Variants in ZSCAN18 observed in about 807,000 individuals in gnomAD.
The protein encoded by ZSCAN18 is zinc finger and SCAN domain containing 18, also known as zinc finger and SCAN domain-containing protein 18.
In ZSCAN18, 16 loss-of-function variants were observed where a neutral mutation model predicts 31.1. The ratio of observed to expected loss-of-function variants is 0.51; its 90% CI spans 0.35 to 0.78. ZSCAN18 has a LOEUF of 0.78. ZSCAN18 is among the 30% of genes least tolerant of loss of function. The pLI, the probability that ZSCAN18 is intolerant of heterozygous loss-of-function variation, is 0.01. For synonymous variants in ZSCAN18, 375 were observed against 320.7 expected (o/e 1.17, Z -1.81); for missense variants, 731 against 697.4 (o/e 1.05, Z -0.54).
intron 1 of ZSCAN18, among the ~76,000 whole-genome samples, chr19:58,106,889 T>C (rs1408524216): frequency 6.6e-6 from 1 of 151,772 alleles, no homozygotes; most frequent in Non-Finnish European, 1.5e-5. Context: ...GTCTCCTGAG[T>C]AGCTGGGATT....
chr19:58,085,190 G>T lies in ZSCAN18; in HGVS notation c.1028C>A (p.Ser343Tyr). 1 of 1,610,162 alleles carries T rather than the reference G, an allele frequency of 6.2e-7. No individual in the cohort carries two copies. The change falls in exon 7 of 7, where the codon TCC (serine) becomes TAC (tyrosine). Residue 343 changes from serine to tyrosine, a missense_variant. Physicochemically the swap from Ser to Tyr is moderately radical, Grantham distance 144. This residue lies in a region of ZSCAN18 where 597 missense variants were observed against 499.5 expected (regional missense o/e 1.20). Transcript: ENST00000601144. ...CCTCTGCGATCCGGTGGCAGAGTCG[G>T]ACTCCGCGTCCTGGGGGTCCTGCGG... ...PDPQDPQDAE[S>Y]DSATGSQRQS...
chr19:58,084,557 G>A lies in ZSCAN18; in HGVS notation c.*128C>T. 3.1e-6 allele frequency: 3 copies of A among 955,644 alleles called. No individual in the cohort carries two copies. The highest frequency in any genetic ancestry group is 2.1e-5 in the South Asian group (1 of 47,780). 59.2% of individuals were successfully genotyped at this position (955,644 alleles called of 1,614,324 possible). A position where few individuals can be genotyped will look rare whatever the true frequency, so the allele number is the denominator to read the frequency against. ...GCGCTTAGCCTCAGGAGCGGATTCA[G>A]GGCACAGGCAGAGGACGTCCACAAA... On this transcript the variant is annotated 3_prime_UTR_variant, in exon 7 of 7. Coordinates refer to ENST00000601144, the MANE Select transcript of ZSCAN18 (RefSeq NM_001145543.2). The surrounding 1 kb of genome is among the most constrained non-coding windows in gnomAD (Gnocchi z 4.5).
chr19:58,101,299 A>ATTTTTTTTTTTTTTT (rs71188078), upstream of ZSCAN18, among the ~76,000 whole-genome samples: 5 of 108,388 alleles, frequency 4.6e-5, no homozygotes, highest in Non-Finnish European at 7.1e-5. Flanking sequence ...TGCCCAGCTA[A>ATTTTTTTTTTTTTTT]TTTTTTTTTT....
At chr19:58,092,991 G>T (rs867890749) in intron 1 of ZSCAN18, among the ~76,000 whole-genome samples, 1 of 151,968 alleles carries the variant, frequency 6.6e-6, no homozygotes, top group Non-Finnish European at 1.5e-5. Flanking sequence ...TGCCCAGGCT[G>T]GTCTGTAACT....
intron 5 of ZSCAN18, chr19:58,086,475 A>G (rs1252471921): frequency 7.6e-6 from 4 of 528,212 alleles, no homozygotes; most frequent in African/African-American, 3.8e-5. Flanking sequence ...AGGCGGAGGC[A>G]GGACTCAGAG....
chr19:58,089,948 G>C lies in ZSCAN18; in HGVS notation c.320C>G (p.Pro107Arg). Residue 107 changes from proline to arginine, a missense_variant, in exon 2 of 7, where the codon CCC becomes CGC. Physicochemically the swap from Pro to Arg is moderately radical, Grantham distance 103. Around this residue, in one of 4 missense-constraint regions of ZSCAN18, gnomAD observed 46 missense variants for 60.6 expected, o/e 0.76. Transcript: ENST00000601144. ...FLGILPDKVRPWVVAQYPESC... is the reference protein window; with the variant it reads ...FLGILPDKVRRWVVAQYPESC... ...CTCAGGGTACTGTGCCACCACCCAG[G>C]GCCGGACCTTATCAGGCAGGATGCC... 2 of 1,614,152 alleles carry C rather than the reference G, an allele frequency of 1.2e-6. No individual in the cohort carries two copies. Among genetic ancestry groups the C allele is most frequent in the Non-Finnish European group, 1.7e-6 (2 of 1,180,038 alleles).
rs2074236343 is a variant in ZSCAN18 at position 58,085,006 on chromosome 19, C to T, written c.1212G>A (p.Glu404=). 1.3e-6 allele frequency: 2 copies of T among 1,592,130 alleles called. No individual in the cohort carries two copies. The highest frequency in any genetic ancestry group is 2.7e-5 in the African/African-American group (2 of 74,520). ...LEAGQGPGAD[E]PGLSRGKPYA... is the part of the protein sequence containing the mutation. ...AGGGCTTCCCGCGGGACAAGCCCGG[C>T]TCGTCAGCCCCAGGGCCCTGCCCGG... Residue 404 remains glutamate, a synonymous_variant, in exon 7 of 7, where the codon GAG becomes GAA. Coordinates refer to ENST00000601144, the MANE Select transcript of ZSCAN18 (RefSeq NM_001145543.2).
At chr19:58,101,402 G>A (rs1468825053), upstream of ZSCAN18, among the ~76,000 whole-genome samples, 1 of 150,126 alleles carries the variant, frequency 6.7e-6, no homozygotes, top group Non-Finnish European at 1.5e-5. Flanking sequence ...ACCCGCCTTG[G>A]CCTCCCAAAG....
intron 1 of ZSCAN18, chr19:58,109,337 T>TA (rs2074660704): frequency 8.1e-7 from 1 of 1,231,226 alleles, no homozygotes; most frequent in African/African-American, 1.6e-5. Context: ...TTTGAATCCT[T>TA]AGAGAAAAAA....
intron 1 of ZSCAN18, chr19:58,118,243 C>G: frequency 8.0e-7 from 1 of 1,242,974 alleles, no homozygotes; most frequent in Non-Finnish European, 1.1e-6. Context: ...CCAGCCCCAG[C>G]CGCTCTGGAG....
rs142572084 is a variant in ZSCAN18, at chr19:58,088,810, G to A, written c.431C>T (p.Ser144Leu). 41 of 1,612,754 alleles carry A rather than the reference G, an allele frequency of 2.5e-5. No individual in the cohort carries two copies. Among genetic ancestry groups the A allele is most frequent in the Non-Finnish European group, 3.3e-5 (39 of 1,179,818 alleles). The change falls in exon 3 of 7, where the codon TCA becomes TTA. Residue 144 changes from serine (S) to leucine (L), a missense_variant. Transcript: ENST00000601144. ...PGMLLGSPAG[S>L]SSILSDGVYE... is the part of the protein sequence containing the mutation. Reference sequence around the variant, plus strand: ...CACTCCATCGCTAAGAATTGAGGATGAGCCCGCAGGGGAGCCCAGCAGCAT... The same window carrying A: ...CACTCCATCGCTAAGAATTGAGGATAAGCCCGCAGGGGAGCCCAGCAGCAT...
intron 1 of ZSCAN18, among the ~76,000 whole-genome samples, chr19:58,091,972 T>C (rs1434088118): frequency 6.6e-6 from 1 of 152,026 alleles, no homozygotes; most frequent in Non-Finnish European, 1.5e-5. Context: ...GCTCTGACAG[T>C]GCTCCACCAG....
chr19:58,085,810 GC>G, intron 6 of ZSCAN18: 2 of 316,438 alleles, frequency 6.3e-6, no homozygotes, highest in South Asian at 6.3e-5. Context: ...CCAGCGACAA[GC>G]CCCCTGGCGA....
chr19:58,110,720 C>A (rs1355931074), intron 1 of ZSCAN18, among the ~76,000 whole-genome samples: 1 of 152,214 alleles, frequency 6.6e-6, no homozygotes, highest in African/African-American at 2.4e-5. Context: ...CCACTGTGGT[C>A]CAAGTTATAA....
intron 1 of ZSCAN18, among the ~76,000 whole-genome samples, chr19:58,117,598 T>A (rs1273748352): frequency 2.0e-5 from 3 of 150,972 alleles, no homozygotes; most frequent in African/African-American, 7.3e-5. Flanking sequence ...GGAAGCAGAA[T>A]AGGTTGTTCA....
chr19:58,094,256 T>C (rs999056539), intron 1 of ZSCAN18, among the ~76,000 whole-genome samples: 1 of 147,916 alleles, frequency 6.8e-6, no homozygotes, highest in East Asian at 2.0e-4. Context: ...AAAAAAATAA[T>C]AATAATTAGC....
chr19:58,100,956 A>G (rs1250414538), upstream of ZSCAN18, among the ~76,000 whole-genome samples: 1 of 152,138 alleles, frequency 6.6e-6, no homozygotes, highest in Non-Finnish European at 1.5e-5. Context: ...GGAAAAGGCT[A>G]TCTTTCCTGC....
In ZSCAN18 at chr19:58,085,097, G is replaced by A; in HGVS notation, c.1121C>T (p.Pro374Leu). The A allele has an allele frequency of 6.2e-7, 1 of 1,606,484 alleles. No individual in the cohort carries two copies. The highest frequency in any genetic ancestry group is 1.7e-5 in the Admixed American group (1 of 59,500). ...TAKLGTKRPH[P>L]EDGDGQSLEG... is the part of the protein sequence containing the mutation. Reference sequence around the variant, plus strand: ...GAGGCTCTGCCCGTCCCCATCCTCGGGGTGCGGCCTCTTGGTTCCCAGTTT... The same window carrying A: ...GAGGCTCTGCCCGTCCCCATCCTCGAGGTGCGGCCTCTTGGTTCCCAGTTT... Residue 374 changes from proline to leucine, a missense_variant, in exon 7 of 7, where the codon CCC (proline) becomes CTC (leucine). Coordinates refer to ENST00000601144, the MANE Select transcript of ZSCAN18 (RefSeq NM_001145543.2).
upstream of ZSCAN18, chr19:58,098,420 T>C (rs115413445): frequency 3.0e-3 from 2,900 of 978,364 alleles, 54 homozygotes; most frequent in African/African-American, 0.046. Context: ...TTGGGCACCA[T>C]GGCAACGAAG....
Sources: gnomAD v4.1 joint callset for allele counts (sites outside exome capture counted in the v4.1 genomes callset) on GRCh38, gnomAD v4.1.1 for gene constraint, gnomAD v4.1.1 regional missense constraint, Gnocchi (gnomAD v3.1) non-coding constraint, MANE v1.5 for transcripts, NCBI Gene and HGNC (gene_info 2026-07-23, HGNC 2026-07-21) for gene names.